The following SLC35B4 variants were observed in gnomAD, a reference collection of about 807,000 sequenced individuals.
The protein encoded by SLC35B4 is solute carrier family 35 member B4, also known as nucleotide sugar transporter SLC35B4.
A neutral mutation model predicts 39.5 loss-of-function variants in SLC35B4; 28 were observed. That is an observed-to-expected ratio of 0.71 (90% CI 0.53 to 0.97). The LOEUF is 0.97. Among genes scored for constraint, SLC35B4 ranks in the 50% least tolerant of loss-of-function variants. The pLI is 0.00. For missense variants in SLC35B4, 334 were observed against 414.3 expected, an observed-to-expected ratio of 0.81 and a Z score of 1.68; for synonymous variants, 145 against 150.4, an observed-to-expected ratio of 0.96 and a Z score of 0.26.
rs1339728923 is a variant in SLC35B4 at position 134,304,754 on chromosome 7, G to A, written c.344+51C>T. ...AATCCAGGTGACTAGCTTATGGACA[G>A]GGGCTCAGGGTATCATTTCCATACA... On this transcript the variant is annotated intron_variant, in intron 4 of 9. Transcript: ENST00000378509. 2.1e-6 allele frequency: 3 copies of A among 1,423,272 alleles called. No individual in the cohort carries two copies. In the Admixed American group the frequency reaches 5.3e-5, roughly 25 times the overall value. The allele number at this position is 1,423,272 out of a possible 1,614,324, so 88.2% of individuals were successfully genotyped here. A position where few individuals can be genotyped will look rare whatever the true frequency, so the allele number is the denominator to read the frequency against.
Position 134,300,281 on chromosome 7 carries a change from T to C in SLC35B4, c.488-20A>G, listed in dbSNP as rs770674421. On this transcript the variant is annotated intron_variant, in intron 6 of 9. Coordinates refer to ENST00000378509, the MANE Select transcript of SLC35B4 (RefSeq NM_032826.5). ...CAATACCTAAAAAACAAACATCAGG[T>C]GACAAGATGTCTGCATTTGTTCATT... The C allele has an allele frequency of 2.0e-6, 3 of 1,527,568 alleles. No individual in the cohort carries two copies. The highest frequency in any genetic ancestry group is 2.8e-5 in the African/African-American group (2 of 72,580). 94.6% of individuals were successfully genotyped at this position (1,527,568 alleles called of 1,614,324 possible). A position where few individuals can be genotyped will look rare whatever the true frequency, so the allele number is the denominator to read the frequency against.
rs1803404585 is a variant in SLC35B4, at chr7:134,294,216, G to A, written c.*617C>T. 1 of 152,386 alleles carries A rather than the reference G, an allele frequency of 6.6e-6. No individual in the cohort carries two copies. Among genetic ancestry groups the A allele is most frequent in the African/African-American group, 2.4e-5 (1 of 41,424 alleles). The allele number at this position is 152,386 out of a possible 1,614,324, so 9.4% of individuals were successfully genotyped here. ...TAGAAAAAAAAAAAAGCAAAATGTGGGAAAGAGGAGTCCCACTAGTCTTGC... is the reference window on the plus strand; with the variant it reads ...TAGAAAAAAAAAAAAGCAAAATGTGAGAAAGAGGAGTCCCACTAGTCTTGC... On this transcript the variant is annotated 3_prime_UTR_variant, in exon 10 of 10. Coordinates refer to ENST00000378509, the MANE Select transcript of SLC35B4 (RefSeq NM_032826.5).
At chr7:134,306,907 T>C (rs1803722318) in intron 2 of SLC35B4, 133 bp from the exon 3 acceptor site, 1 of 637,236 alleles carries the variant, frequency 1.6e-6, no homozygotes, top group African/African-American at 1.8e-5. Context: ...ATCACTATTA[T>C]GCCATGTCAA....
Position 134,293,128 on chromosome 7 carries a change from CCACACACA to C in SLC35B4, c.*1697_*1704del, listed in dbSNP as rs954123319. Reference sequence around the variant, plus strand: ...TCAGTTTAAGAACACAATGTGTGCACCACACACACACACATACATACACACACACACAC... The same window carrying C: ...TCAGTTTAAGAACACAATGTGTGCACCACACATACATACACACACACACAC... On this transcript the variant is annotated 3_prime_UTR_variant, in exon 10 of 10. Transcript: ENST00000378509. 3 of 131,098 alleles carry C rather than the reference CCACACACA, an allele frequency of 2.3e-5. No homozygotes were observed. The highest frequency in any genetic ancestry group is 4.8e-5 in the Non-Finnish European group (3 of 61,860). 8.1% of individuals were successfully genotyped at this position (131,098 alleles called of 1,614,324 possible). A position where few individuals can be genotyped will look rare whatever the true frequency, so the allele number is the denominator to read the frequency against.
chr7:134,308,055 T>C (rs1396410829), intron 2 of SLC35B4, among the ~76,000 whole-genome samples: 1 of 152,090 alleles, frequency 6.6e-6, no homozygotes, highest in Non-Finnish European at 1.5e-5. Flanking sequence ...ATGAACGACA[T>C]GAGCAAAATT....
At chr7:134,308,573 C>T (rs1803763714) in intron 2 of SLC35B4, among the ~76,000 whole-genome samples, 1 of 152,186 alleles carries the variant, frequency 6.6e-6, no homozygotes, top group African/African-American at 2.4e-5. Flanking sequence ...TAGCAGGCTA[C>T]GTAAGAATGC....
rs447266 is a variant in SLC35B4, at chr7:134,304,791, A to G, written c.344+14T>C. On this transcript the variant is annotated intron_variant, in intron 4 of 9. Transcript: ENST00000378509. The stretch of plus-strand genomic sequence containing the variant: ...ATCATTTCCATACACAAAATACAGA[A>G]GTGTATTGTTTACCTTTTCTTCAAA... 0.46 allele frequency: 725,296 copies of G among 1,579,636 alleles called. 169,779 individuals carry two copies. Among genetic ancestry groups the G allele is most frequent in the Admixed American group, 0.57 (33,840 of 59,810 alleles).
chr7:134,315,949 C>T (rs577200519), intron 1 of SLC35B4, among the ~76,000 whole-genome samples: 1 of 151,856 alleles, frequency 6.6e-6, no homozygotes, highest in Non-Finnish European at 1.5e-5. Context: ...TCAAAGTGAC[C>T]TCAAAGAGCC....
In SLC35B4 at chr7:134,296,443, C is replaced by T. The variant is rs374056103; in HGVS notation, c.697G>A (p.Gly233Arg). 1.5e-4 allele frequency: 237 copies of T among 1,613,650 alleles called. No individual in the cohort carries two copies. The highest frequency in any genetic ancestry group is 1.9e-4 in the Non-Finnish European group (219 of 1,179,814). ...KSELYEIPVIGVTLPIMWFYL... is the reference protein window; with the variant it reads ...KSELYEIPVIRVTLPIMWFYL... ...AACCACATGATGGGCAGGGTCACTC[C>T]GATGACGGGAATTTCATATAACTCT... Residue 233 changes from glycine to arginine, a missense_variant, in exon 9 of 10, where the codon GGA (glycine) becomes AGA (arginine). By Grantham distance (125) the Gly-to-Arg change is moderately radical (BLOSUM62 -2). Transcript: ENST00000378509.
chr7:134,299,145 C>G (rs1408148520), intron 8 of SLC35B4, among the ~76,000 whole-genome samples: 7 of 152,242 alleles, frequency 4.6e-5, no homozygotes, highest in African/African-American at 1.7e-4. Flanking sequence ...CTCTGCCTTT[C>G]ATGGCAGAGA....
rs1446333323 is a variant in SLC35B4, at chr7:134,291,383, G to A, written c.*3450C>T. The A allele has an allele frequency of 6.6e-6, 1 of 152,120 alleles. No individual in the cohort carries two copies. Among genetic ancestry groups the A allele is most frequent in the East Asian group, 1.9e-4 (1 of 5,194 alleles). The allele number at this position is 152,120 out of a possible 1,614,324, so 9.4% of individuals were successfully genotyped here. ...CACAAAAACATCCAGGGGCCCCAAA[G>A]AAGAGAGGCATAAACAGATACAAGA... On this transcript the variant is annotated 3_prime_UTR_variant, in exon 10 of 10. Transcript: ENST00000378509.
At chr7:134,316,097 G>A (rs1803968158) in intron 1 of SLC35B4, among the ~76,000 whole-genome samples, 1 of 151,818 alleles carries the variant, frequency 6.6e-6, no homozygotes, top group Non-Finnish European at 1.5e-5. Flanking sequence ...ATGTATGTTT[G>A]GGCAAAGTAC....
Position 134,293,286 on chromosome 7 carries a change from C to G in SLC35B4, c.*1547G>C, listed in dbSNP as rs138830826. 3.9e-5 allele frequency: 6 copies of G among 152,164 alleles called. No individual in the cohort carries two copies. Among genetic ancestry groups the G allele is most frequent in the African/African-American group, 1.4e-4 (6 of 41,428 alleles). 9.4% of individuals were successfully genotyped at this position (152,164 alleles called of 1,614,324 possible). On this transcript the variant is annotated 3_prime_UTR_variant, in exon 10 of 10. Coordinates refer to ENST00000378509, the MANE Select transcript of SLC35B4 (RefSeq NM_032826.5). Reference sequence around the variant, plus strand: ...AGGGATGTGAAAGTGCAGCCACTTCCGTGCCCTTTGATCACACACAGACTA... The same window carrying G: ...AGGGATGTGAAAGTGCAGCCACTTCGGTGCCCTTTGATCACACACAGACTA...
rs559524155 is a variant in SLC35B4 at position 134,295,037 on chromosome 7, G to A, written c.792C>T (p.Cys264=). ...IRGVFILTTE[C]ASLTVTLVVT... is the part of the protein sequence containing the mutation. ...CGACGAGCGTGACGGTGAGGGAGGC[G>A]CATTCTGTGGTGAGGATAAACACAC... is the stretch of plus-strand genomic sequence containing the variant. The change falls in exon 10 of 10, where the codon TGC becomes TGT. Residue 264 remains cysteine, a synonymous_variant. Coordinates refer to ENST00000378509, the MANE Select transcript of SLC35B4 (RefSeq NM_032826.5). The A allele has an allele frequency of 8.5e-5, 137 of 1,614,130 alleles. 2 individuals carry two copies. The highest frequency in any genetic ancestry group is 8.0e-4 in the East Asian group (36 of 44,882).
intron 2 of SLC35B4, among the ~76,000 whole-genome samples, chr7:134,308,201 T>C (rs1230484039): frequency 6.6e-6 from 1 of 152,082 alleles, no homozygotes; most frequent in Non-Finnish European, 1.5e-5. Flanking sequence ...CAGAACATCG[T>C]GGTAACCACA....
intron 1 of SLC35B4, among the ~76,000 whole-genome samples, chr7:134,313,797 G>C (rs1803905709): frequency 6.6e-6 from 1 of 152,154 alleles, no homozygotes; most frequent in Admixed American, 6.6e-5. Flanking sequence ...AAAATTTATG[G>C]GGCTTCCACT....
At chr7:134,306,909 C>A in intron 2 of SLC35B4, 135 bp from the exon 3 acceptor site, 1 of 623,718 alleles carries the variant, frequency 1.6e-6, no homozygotes, top group African/African-American at 1.8e-5. Context: ...CACTATTATG[C>A]CATGTCAACT....
intron 3 of SLC35B4, 44 bp from the exon 4 acceptor site, chr7:134,304,898 G>T: frequency 1.4e-6 from 2 of 1,477,964 alleles, no homozygotes; most frequent in Non-Finnish European, 1.9e-6. Context: ...AGTGCACTAG[G>T]AAAAAAACAA....
Position 134,316,779 on chromosome 7 carries a change from G to C in SLC35B4, c.-28C>G, listed in dbSNP as rs773096646. On this transcript the variant is annotated 5_prime_UTR_variant, in exon 1 of 10. Coordinates refer to ENST00000378509, the MANE Select transcript of SLC35B4 (RefSeq NM_032826.5). ...CCGGTGCAGGGTTGGGGAAGCAAGC[G>C]CACAGAGTAAGCGCCCGCCTGTACC... is the stretch of plus-strand genomic sequence containing the variant. 1.6e-5 allele frequency: 24 copies of C among 1,538,966 alleles called. No individual in the cohort carries two copies. In the Middle Eastern group the frequency reaches 1.2e-3, roughly 75 times the overall value.
Sources: allele counts gnomAD v4.1 joint callset (sites outside exome capture counted in the v4.1 genomes callset), GRCh38; gene constraint gnomAD v4.1.1; transcripts MANE v1.5; gene names NCBI Gene and HGNC (gene_info 2026-07-23, HGNC 2026-07-21).